MARCHF3: variants seen among roughly 807,000 people sequenced by gnomAD.
The protein encoded by MARCHF3 is E3 ubiquitin-protein ligase MARCHF3.
Under a neutral mutation model 24.2 loss-of-function variants are expected in MARCHF3, and 13 were observed. The observed-to-expected ratio is 0.54, with a 90% CI of 0.35 to 0.85. MARCHF3 has a LOEUF of 0.85. Ranked by LOEUF, MARCHF3 falls within the 40% of genes least tolerant of loss-of-function variation. The pLI, the probability that MARCHF3 is intolerant of heterozygous loss-of-function variation, is 0.01. For missense variants in MARCHF3, 276 were observed against 325.0 expected (o/e 0.85, Z 1.16); for synonymous variants, 144 against 137.3 (o/e 1.05, Z -0.34).
At chr5:127,006,077 C>T (rs1351089707) in intron 1 of MARCHF3, among the ~76,000 whole-genome samples, 1 of 151,640 alleles carries the variant, frequency 6.6e-6, no homozygotes, top group Non-Finnish European at 1.5e-5. Context: ...GTGGCATGCA[C>T]TTGTAATCCC....
chr5:126,892,137 T>C (rs1753713346), intron 3 of MARCHF3, among the ~76,000 whole-genome samples: 1 of 150,192 alleles, frequency 6.7e-6, no homozygotes, highest in Admixed American at 6.7e-5. Flanking sequence ...TACATTGATT[T>C]TGTATCCTGA....
intron 3 of MARCHF3, among the ~76,000 whole-genome samples, chr5:126,888,187 A>C (rs2126773462): frequency 6.6e-6 from 1 of 152,322 alleles, no homozygotes; most frequent in Admixed American, 6.5e-5. Context: ...TAAATACAGT[A>C]ATTTTTGCCA....
intron 3 of MARCHF3, among the ~76,000 whole-genome samples, chr5:126,885,615 A>AAATG (rs1239134323): frequency 1.4e-4 from 22 of 152,190 alleles, no homozygotes; most frequent in Non-Finnish European, 2.9e-5. Context: ...GAAAAAAGGA[A>AAATG]AATGAATGAA....
At chr5:126,930,452 T>G (rs1198212789) in intron 1 of MARCHF3, among the ~76,000 whole-genome samples, 6 of 152,250 alleles carry the variant, frequency 3.9e-5, no homozygotes, top group Admixed American at 3.9e-4. Context: ...ATCTTATTTA[T>G]GGAATACATC....
At chr5:126,952,067 G>A (rs1330939922) in intron 1 of MARCHF3, among the ~76,000 whole-genome samples, 1 of 152,054 alleles carries the variant, frequency 6.6e-6, no homozygotes, top group Non-Finnish European at 1.5e-5. Flanking sequence ...GGCTGGTCTC[G>A]AACTCCTGAC....
Position 126,962,832 on chromosome 5 carries a change from T to TCC in MARCHF3, c.-56-44606_-56-44605insGG, listed in dbSNP as rs1491487186. Among the ~76,000 whole-genome samples the TCC allele has an allele frequency of 5.5e-5, 5 of 91,606 alleles. 1 individual carries two copies. The Admixed American group carries it at 6.1e-4, about 11-fold the overall frequency. 60.1% of individuals were successfully genotyped at this position (91,606 alleles called of 152,430 possible). ...CTCAACCTGTGTGTGTGTGTGTGTG[T>TCC]GCGTGTGTGTGTGTGTGTGTGTGTG... is the stretch of plus-strand genomic sequence containing the variant. On this transcript the variant is annotated intron_variant, in intron 1 of 4. Coordinates refer to ENST00000308660, the MANE Select transcript of MARCHF3 (RefSeq NM_178450.5).
At chr5:126,903,177 C>T (rs892196645) in intron 3 of MARCHF3, among the ~76,000 whole-genome samples, 13 of 151,938 alleles carry the variant, frequency 8.6e-5, no homozygotes, top group African/African-American at 3.1e-4. Context: ...TATTAGAGAA[C>T]TCTTTTAAAG....
At chr5:126,978,138 AC>A (rs1169729641) in intron 1 of MARCHF3, among the ~76,000 whole-genome samples, 4 of 152,220 alleles carry the variant, frequency 2.6e-5, no homozygotes, top group Admixed American at 2.6e-4. Context: ...TTTTGTCTTC[AC>A]GTGGTGAGTT....
chr5:127,003,427 C>CAGAGGAGTATACAACCTTGGT (rs1271372422), intron 1 of MARCHF3, among the ~76,000 whole-genome samples: 2 of 144,524 alleles, frequency 1.4e-5, no homozygotes, highest in African/African-American at 2.6e-5. Flanking sequence ...GAGATCGCGC[C>CAGAGGAGTATACAACCTTGGT]ACTGCACTCC....
At chr5:126,924,586 TAA>T (rs1417864229) in intron 1 of MARCHF3, among the ~76,000 whole-genome samples, 4 of 152,162 alleles carry the variant, frequency 2.6e-5, no homozygotes, top group Admixed American at 2.0e-4. Flanking sequence ...TGAACTGACT[TAA>T]GAGTATCCTG....
chr5:126,899,945 A>C (rs1249568689), intron 3 of MARCHF3, among the ~76,000 whole-genome samples: 1 of 152,046 alleles, frequency 6.6e-6, no homozygotes, highest in Non-Finnish European at 1.5e-5. Context: ...CATGCCTTAC[A>C]TTAGAGTTAA....
intron 1 of MARCHF3, among the ~76,000 whole-genome samples, chr5:126,982,430 G>A (rs538905610): frequency 2.0e-5 from 3 of 152,300 alleles, no homozygotes; most frequent in Non-Finnish European, 4.4e-5. Flanking sequence ...AGTGGGCCCC[G>A]GGATGACTGA....
At chr5:127,000,284 C>A (rs1472479905) in intron 1 of MARCHF3, among the ~76,000 whole-genome samples, 1 of 103,288 alleles carries the variant, frequency 9.7e-6, no homozygotes, top group Non-Finnish European at 2.1e-5. Flanking sequence ...CCTGTTCTCA[C>A]ACTCTGCCTC....
Position 126,918,108 on chromosome 5 carries a change from G to T in MARCHF3, c.64C>A (p.Pro22Thr). 6.2e-7 allele frequency: 1 copy of T among 1,614,170 alleles called. No individual in the cohort carries two copies. The highest frequency in any genetic ancestry group is 8.5e-7 in the Non-Finnish European group (1 of 1,180,042). The change falls in exon 2 of 5, where the codon CCC becomes ACC. Residue 22 changes from proline (P) to threonine (T), a missense_variant. By Grantham distance (38) the Pro-to-Thr change is conservative. Transcript: ENST00000308660. ...VLPDCTSSAAPVVKTVEDCGS... is the reference protein window; with the variant it reads ...VLPDCTSSAATVVKTVEDCGS... ...CAATCCTCCACCGTCTTCACCACGG[G>T]TGCAGCTGAGCTGGTGCAGTCTGGC...
At chr5:127,027,214 T>C (rs958621538) in intron 1 of MARCHF3, among the ~76,000 whole-genome samples, 9 of 152,254 alleles carry the variant, frequency 5.9e-5, no homozygotes, top group African/African-American at 2.2e-4. Flanking sequence ...GAAAATCTAT[T>C]TACCCAATTA....
chr5:126,981,403 A>G (rs1470396967), intron 1 of MARCHF3, among the ~76,000 whole-genome samples: 1 of 152,184 alleles, frequency 6.6e-6, no homozygotes, highest in Non-Finnish European at 1.5e-5. Context: ...TGGACCACAC[A>G]ACCTCAGAGG....
chr5:126,912,763 T>C (rs1435140305), intron 3 of MARCHF3, among the ~76,000 whole-genome samples: 3 of 152,230 alleles, frequency 2.0e-5, no homozygotes, highest in Non-Finnish European at 4.4e-5. Context: ...TTTTATTGCT[T>C]GTGGTCAAAC....
intron 1 of MARCHF3, among the ~76,000 whole-genome samples, chr5:127,022,375 A>G (rs1752833062): frequency 6.6e-6 from 1 of 152,244 alleles, no homozygotes; most frequent in African/African-American, 2.4e-5. Context: ...AGATGGGGAA[A>G]GAGAATATCA....
intron 4 of MARCHF3, among the ~76,000 whole-genome samples, chr5:126,874,021 ATGT>A (rs1224030450): frequency 1.3e-5 from 2 of 152,234 alleles, no homozygotes; most frequent in South Asian, 4.1e-4. Context: ...TCCAACAATA[ATGT>A]TAGGAATTTC....
Sources: gnomAD v4.1 joint callset for allele counts (sites outside exome capture counted in the v4.1 genomes callset) on GRCh38, gnomAD v4.1.1 for gene constraint, MANE v1.5 for transcripts, NCBI Gene and HGNC (gene_info 2026-07-23, HGNC 2026-07-21) for gene names.